CNTROB: variants seen among roughly 807,000 people sequenced by gnomAD.
CNTROB encodes centrobin.
A neutral mutation model predicts 115.7 loss-of-function variants in CNTROB; 82 were observed. That is an observed-to-expected ratio of 0.71 (90% confidence interval 0.59 to 0.85). The LOEUF (loss-of-function observed/expected upper bound fraction) is 0.85. Among genes scored for constraint, CNTROB ranks in the 40% least tolerant of loss-of-function variants. The probability of loss-of-function intolerance (pLI) is 0.00; values close to 1 mark genes in which losing one functional copy is unlikely to be tolerated. For missense variants in CNTROB, 1,014 were observed against 1,144.4 expected (o/e 0.89, Z 1.64); for synonymous variants, 439 against 456.4 (o/e 0.96, Z 0.49).
At position 7,946,590 on chromosome 17, in the gene CNTROB, G is replaced by A. The variant is rs551898930; in HGVS notation, c.1993+604G>A. Reference sequence around the variant, plus strand: ...CGAATTAAAAATGAGGGATGGGGCCGGGTGCAGTGGCTCACGCCTGTAATG... The same window carrying A: ...CGAATTAAAAATGAGGGATGGGGCCAGGTGCAGTGGCTCACGCCTGTAATG... On this transcript the variant is annotated intron_variant, in intron 13 of 18. Coordinates refer to ENST00000563694, the MANE Select transcript of CNTROB (RefSeq NM_053051.5). Among the ~76,000 whole-genome samples, 109 of 152,306 alleles carry A rather than the reference G, an allele frequency of 7.2e-4. 1 individual carries two copies. The highest frequency in any genetic ancestry group is 3.4e-3 in the Middle Eastern group (1 of 294).
Position 7,948,445 on chromosome 17 carries a change from A to G in CNTROB, c.2381-42A>G. ...GAAATGGGCTGAGGGCTGGGGAGAC[A>G]GGCCCTAGGATGACGCCTGTGATTA... On this transcript the variant is annotated intron_variant, in intron 16 of 18. Coordinates refer to ENST00000563694, the MANE Select transcript of CNTROB (RefSeq NM_053051.5). This position sits in a 1 kb window ranked among gnomAD's most constrained non-coding sequence, Gnocchi z 4.4. 6.2e-7 allele frequency: 1 copy of G among 1,611,746 alleles called. No individual in the cohort carries two copies. The highest frequency in any genetic ancestry group is 8.5e-7 in the Non-Finnish European group (1 of 1,177,914).
chr17:7,945,773 A>G lies in CNTROB; in HGVS notation c.1780A>G (p.Lys594Glu), dbSNP rs763905562. The change falls in exon 13 of 19, where the codon AAG (lysine) becomes GAG (glutamate). Residue 594 changes from lysine to glutamate, a missense_variant. Physicochemically the swap from Lys to Glu is moderately conservative, Grantham distance 56. Coordinates refer to ENST00000563694, the MANE Select transcript of CNTROB (RefSeq NM_053051.5). Reference sequence around the variant, plus strand: ...CAGCCCCGGGCCTCAGGAGCCCGAGAAGGAGGAGAGGAGGGTCTGGACTAT... The same window carrying G: ...CAGCCCCGGGCCTCAGGAGCCCGAGGAGGAGGAGAGGAGGGTCTGGACTAT... ...PSSPGPQEPE[K>E]EERRVWTMPP... The G allele has an allele frequency of 3.1e-6, 5 of 1,614,172 alleles. No homozygotes were observed. Among genetic ancestry groups the G allele is most frequent in the Non-Finnish European group, 4.2e-6 (5 of 1,179,998 alleles).
rs748317512 is a variant in CNTROB at position 7,933,221 on chromosome 17, G to A, written c.142G>A (p.Ala48Thr). 1.2e-6 allele frequency: 2 copies of A among 1,614,234 alleles called. No homozygotes were observed. Among genetic ancestry groups the A allele is most frequent in the Admixed American group, 3.3e-5 (2 of 60,024 alleles). The change falls in exon 1 of 19, where the codon GCG (alanine) becomes ACG (threonine). Residue 48 changes from alanine to threonine, a missense_variant. Physicochemically the swap from Ala to Thr is moderately conservative, Grantham distance 58. Transcript: ENST00000563694. ...LYASLRLSRQ[A>T]EATARAQLYL... ...TGCTTCTTTGCGCCTCAGCCGGCAGGCGGAGGCCACGGCCCGAGCCCAGCT... is the reference window on the plus strand; with the variant it reads ...TGCTTCTTTGCGCCTCAGCCGGCAGACGGAGGCCACGGCCCGAGCCCAGCT...
In CNTROB at chr17:7,932,386, G is replaced by A. The variant is rs1972617058; in HGVS notation, c.-694G>A. On this transcript the variant is annotated 5_prime_UTR_variant, in exon 1 of 19. Coordinates refer to ENST00000563694, the MANE Select transcript of CNTROB (RefSeq NM_053051.5). Reference sequence around the variant, plus strand: ...GCAGAGGATCTCGGGCTAGGCTTGAGGGCGGCGTGCTTCTTAGGGACGACT... The same window carrying A: ...GCAGAGGATCTCGGGCTAGGCTTGAAGGCGGCGTGCTTCTTAGGGACGACT... 1 of 162,768 alleles carries A rather than the reference G, an allele frequency of 6.1e-6. No homozygotes were observed. The highest frequency in any genetic ancestry group is 2.4e-5 in the African/African-American group (1 of 41,488). The allele number at this position is 162,768 out of a possible 1,614,324, so 10.1% of individuals were successfully genotyped here.
chr17:7,946,136 T>C, intron 13 of CNTROB, 150 bp downstream of exon 13: 1 of 700,296 alleles, frequency 1.4e-6, no homozygotes. Flanking sequence ...TCTGCTCACA[T>C]TGGTCCAAAT....
chr17:7,943,671 T>C lies in CNTROB; in HGVS notation c.1445+147T>C, dbSNP rs1034960361. On this transcript the variant is annotated intron_variant, in intron 10 of 18. Transcript: ENST00000563694. The surrounding 1 kb of genome is among the most constrained non-coding windows in gnomAD (Gnocchi z 4.7). ...TCCCATCAGCTGGGACCTGAGTCTCTCTCGGGAGGGCTGCCTTCACGCGTT... is the reference window on the plus strand; with the variant it reads ...TCCCATCAGCTGGGACCTGAGTCTCCCTCGGGAGGGCTGCCTTCACGCGTT... 1.1e-4 allele frequency: 92 copies of C among 844,068 alleles called. No homozygotes were observed. Among genetic ancestry groups the C allele is most frequent in the Middle Eastern group, 7.3e-4 (2 of 2,734 alleles). The allele number at this position is 844,068 out of a possible 1,614,324, so 52.3% of individuals were successfully genotyped here. A position where few individuals can be genotyped will look rare whatever the true frequency, so the allele number is the denominator to read the frequency against.
At chr17:7,941,956 C>T (rs4300713) in intron 9 of CNTROB, among the ~76,000 whole-genome samples, 74,559 of 144,894 alleles carry the variant, frequency 0.51, 19,271 homozygotes, top group East Asian at 0.77. Context: ...GGAGCGAGAC[C>T]GAGTCTCAAA....
chr17:7,939,033 C>G lies in CNTROB; in HGVS notation c.928-480C>G, dbSNP rs1973530588. Among the ~76,000 whole-genome samples, 1 of 152,110 alleles carries G rather than the reference C, an allele frequency of 6.6e-6. No homozygotes were observed. Among genetic ancestry groups the G allele is most frequent in the South Asian group, 2.1e-4 (1 of 4,828 alleles). ...ACCTCAGATGATCTGCCTGCCTCAG[C>G]CTCCCAAAGTGCTGGGATTACAGGC... On this transcript the variant is annotated intron_variant, in intron 7 of 18. Transcript: ENST00000563694. This position sits in a 1 kb window ranked among gnomAD's most constrained non-coding sequence, Gnocchi z 4.4.
intron 13 of CNTROB, among the ~76,000 whole-genome samples, chr17:7,946,712 A>G (rs915644610): frequency 3.3e-5 from 5 of 152,102 alleles, no homozygotes; most frequent in African/African-American, 1.2e-4. Context: ...TACACAAAAT[A>G]AAAAGTTAGC....
rs559302858 is a variant in CNTROB at position 7,938,810 on chromosome 17, G to A, written c.928-703G>A. Among the ~76,000 whole-genome samples, 70 of 152,200 alleles carry A rather than the reference G, an allele frequency of 4.6e-4. 1 individual carries two copies. Among genetic ancestry groups the A allele is most frequent in the African/African-American group, 1.5e-3 (64 of 41,534 alleles). On this transcript the variant is annotated intron_variant, in intron 7 of 18. Coordinates refer to ENST00000563694, the MANE Select transcript of CNTROB (RefSeq NM_053051.5). ...TTTGTTTGTTTTGAGATGGAGTCTC[G>A]CTCTGTTGCCCAGGCTAGGGTTCAG... is the stretch of plus-strand genomic sequence containing the variant.
In CNTROB at chr17:7,939,977, C is replaced by T; in HGVS notation, c.1165-119C>T. 1 of 1,279,940 alleles carries T rather than the reference C, an allele frequency of 7.8e-7. No individual in the cohort carries two copies. The highest frequency in any genetic ancestry group is 1.1e-6 in the Non-Finnish European group (1 of 931,346). 79.3% of individuals were successfully genotyped at this position (1,279,940 alleles called of 1,614,324 possible). On this transcript the variant is annotated intron_variant, in intron 8 of 18. Transcript: ENST00000563694. The surrounding 1 kb of genome is among the most constrained non-coding windows in gnomAD (Gnocchi z 4.4). ...ATTCAACAGGGATGGGGAAATAAAA[C>T]AAATGGGAGGAGCTGGGGGAAGCTT... is the stretch of plus-strand genomic sequence containing the variant.
chr17:7,939,619 A>T lies in CNTROB; in HGVS notation c.1034A>T (p.His345Leu), dbSNP rs747961408. ...GCTCGGGCTGGGCAACTGAGTGAGC[A>T]TCGAGAGTTGGAGACTCTTCGGGCT... ...DAARAGQLSE[H>L]RELETLRAAL... The change falls in exon 8 of 19, where the codon CAT (histidine) becomes CTT (leucine). Residue 345 changes from histidine to leucine, a missense_variant. By Grantham distance (99) the His-to-Leu change is moderately conservative (BLOSUM62 -3). Coordinates refer to ENST00000563694, the MANE Select transcript of CNTROB (RefSeq NM_053051.5). This position sits in a 1 kb window ranked among gnomAD's most constrained non-coding sequence, Gnocchi z 4.4. 3.1e-6 allele frequency: 5 copies of T among 1,613,940 alleles called. No homozygotes were observed. The highest frequency in any genetic ancestry group is 1.3e-5 in the African/African-American group (1 of 74,880).
intron 7 of CNTROB, among the ~76,000 whole-genome samples, chr17:7,937,858 A>C (rs142009941): frequency 2.0e-5 from 3 of 152,242 alleles, no homozygotes; most frequent in African/African-American, 7.2e-5. Flanking sequence ...TCACCTGCAG[A>C]GGTTTTGATT....
chr17:7,949,491 G>GC lies in CNTROB; in HGVS notation c.2693_2694insC (p.Val901SerfsTer25). 6.2e-7 allele frequency: 1 copy of GC among 1,608,422 alleles called. No homozygotes were observed. The highest frequency in any genetic ancestry group is 2.2e-5 in the East Asian group (1 of 44,702). ...CCTGCCCCGAGTAGCATGAGGAGCC[G>GC]GGGGGGAGTCTGGAGATGAGCCCCC... is the stretch of plus-strand genomic sequence containing the variant. On this transcript the variant is annotated frameshift_variant, in exon 19 of 19. Coordinates refer to ENST00000563694, the MANE Select transcript of CNTROB (RefSeq NM_053051.5). LOFTEE classifies it high-confidence loss of function.
At chr17:7,934,667 C>T (rs947711278) in intron 3 of CNTROB, 121 bp downstream of exon 3, 1 of 881,872 alleles carries the variant, frequency 1.1e-6, no homozygotes, top group East Asian at 2.6e-5. Flanking sequence ...TTATCACTTG[C>T]CTTTCAGTTT....
intron 5 of CNTROB, 62 bp downstream of exon 5, chr17:7,936,544 A>G: frequency 1.2e-6 from 1 of 813,448 alleles, no homozygotes; most frequent in South Asian, 1.3e-5. Context: ...ATAATAAATA[A>G]GTGGGTGGCC....
chr17:7,933,054 T>G lies in CNTROB; in HGVS notation c.-26T>G, dbSNP rs768926603. On this transcript the variant is annotated 5_prime_UTR_variant, in exon 1 of 19. Coordinates refer to ENST00000563694, the MANE Select transcript of CNTROB (RefSeq NM_053051.5). Reference sequence around the variant, plus strand: ...AGCAGAACCTCCCAGCTCTTTGCTGTCTCCGGTTGTCTCTTCCCTGTATTC... The same window carrying G: ...AGCAGAACCTCCCAGCTCTTTGCTGGCTCCGGTTGTCTCTTCCCTGTATTC... The G allele has an allele frequency of 1.9e-6, 3 of 1,606,160 alleles. No homozygotes were observed. The Admixed American group carries it at 5.1e-5, about 27-fold the overall frequency.
chr17:7,947,920 T>C lies in CNTROB; in HGVS notation c.2150T>C (p.Leu717Pro), dbSNP rs755620665. The C allele has an allele frequency of 6.2e-7, 1 of 1,614,092 alleles. No individual in the cohort carries two copies. The highest frequency in any genetic ancestry group is 8.5e-7 in the Non-Finnish European group (1 of 1,179,964). ...EGLKNFLHQL[L>P]ETVPQNNENP... is the part of the protein sequence containing the mutation. ...GACAATCTTATTCACCCACAGTTGC[T>C]GGAGACAGTGCCCCAGAACAATGAG... The change falls in exon 15 of 19, where the codon CTG (leucine) becomes CCG (proline). Residue 717 changes from leucine to proline, a missense_variant. Transcript: ENST00000563694.
At chr17:7,935,501 CA>C (rs879389633) in intron 4 of CNTROB, among the ~76,000 whole-genome samples, 1,442 of 124,038 alleles carry the variant, frequency 0.012, 22 homozygotes, top group African/African-American at 0.039. Context: ...GACTCCGTCT[CA>C]AAAAAAAAAA....
Sources: gnomAD v4.1 joint callset for allele counts (sites outside exome capture counted in the v4.1 genomes callset) on GRCh38, gnomAD v4.1.1 for gene constraint, Gnocchi (gnomAD v3.1) non-coding constraint, MANE v1.5 for transcripts, NCBI Gene and HGNC (gene_info 2026-07-23, HGNC 2026-07-21) for gene names.